Variants in ETS1 observed in about 807,000 individuals in gnomAD.
ETS1 encodes protein C-ets-1.
In ETS1, 15 loss-of-function variants were observed where a neutral mutation model predicts 58.6. The ratio of observed to expected loss-of-function variants is 0.26; its 90% CI spans 0.17 to 0.39. The LOEUF (loss-of-function observed/expected upper bound fraction) is 0.39. ETS1 is among the 10% of genes least tolerant of loss of function. ETS1 has a pLI of 1.00. For missense variants in ETS1, 417 were observed against 610.5 expected (o/e 0.68, Z 3.34); for synonymous variants, 214 against 218.2 (o/e 0.98, Z 0.17).
chr11:128,565,246 T>TC (rs1864473421), intron 2 of ETS1, among the ~76,000 whole-genome samples: 1 of 152,118 alleles, frequency 6.6e-6, no homozygotes, highest in Admixed American at 6.6e-5. Context: ...TTTGGCCTCT[T>TC]CCCTCCCTTC....
At chr11:128,583,853 G>C (rs1224508743) in intron 1 of ETS1, among the ~76,000 whole-genome samples, 1 of 151,988 alleles carries the variant, frequency 6.6e-6, no homozygotes, top group Non-Finnish European at 1.5e-5. Flanking sequence ...TCCAACACTT[G>C]ATTACTGGAA....
intron 5 of ETS1, 70 bp downstream of exon 5, chr11:128,489,220 G>T: frequency 1.5e-6 from 2 of 1,353,030 alleles, no homozygotes; most frequent in Non-Finnish European, 2.1e-6. Context: ...CCCACCATTG[G>T]GTGAGCCCCC....
chr11:128,551,419 C>A (rs892775411), intron 3 of ETS1, among the ~76,000 whole-genome samples: 1 of 152,172 alleles, frequency 6.6e-6, no homozygotes, highest in African/African-American at 2.4e-5. Flanking sequence ...GGAATCTCAG[C>A]GTATCTCCCA....
chr11:128,478,174 T>C (rs1424809635), intron 8 of ETS1, among the ~76,000 whole-genome samples: 1 of 152,090 alleles, frequency 6.6e-6, no homozygotes, highest in Admixed American at 6.5e-5. Context: ...TTTGAGACTT[T>C]TAAGAGATAA....
At chr11:128,570,884 T>C (rs962216163) in intron 2 of ETS1, among the ~76,000 whole-genome samples, 1 of 152,174 alleles carries the variant, frequency 6.6e-6, no homozygotes, top group Non-Finnish European at 1.5e-5. Flanking sequence ...CCTGGACTTG[T>C]CGTGTAGTGG....
chr11:128,503,304 C>T (rs1164332367), intron 3 of ETS1, among the ~76,000 whole-genome samples: 1 of 152,134 alleles, frequency 6.6e-6, no homozygotes, highest in Admixed American at 6.5e-5. Context: ...AGAGCAGGCA[C>T]ATGCTGGATA....
chr11:128,499,580 T>A (rs1185325960), intron 3 of ETS1, among the ~76,000 whole-genome samples: 2 of 152,214 alleles, frequency 1.3e-5, no homozygotes, highest in Non-Finnish European at 2.9e-5. Context: ...CTGCACCTAT[T>A]CACAGAATTA....
At chr11:128,475,652 C>G (rs1862303059) in intron 8 of ETS1, among the ~76,000 whole-genome samples, 1 of 149,454 alleles carries the variant, frequency 6.7e-6, no homozygotes, top group Non-Finnish European at 1.5e-5. Context: ...CCTGGGTTCA[C>G]AGCATTCTCC....
intron 8 of ETS1, among the ~76,000 whole-genome samples, chr11:128,466,810 T>C (rs1277213544): frequency 6.6e-6 from 1 of 151,124 alleles, no homozygotes; most frequent in Non-Finnish European, 1.5e-5. Flanking sequence ...AGAGGGAGGA[T>C]AGATAGGAAA....
chr11:128,538,779 CACACACACACA>C (rs1565401971), intron 3 of ETS1, among the ~76,000 whole-genome samples: 28 of 151,434 alleles, frequency 1.8e-4, no homozygotes, highest in Non-Finnish European at 3.7e-4. Flanking sequence ...CACACACACA[CACACACACACA>C]CCAAACCAGG....
At chr11:128,485,173 G>C in intron 6 of ETS1, 102 bp from the exon 7 acceptor site, 1 of 986,064 alleles carries the variant, frequency 1.0e-6, no homozygotes. Flanking sequence ...AAGCTCCTTA[G>C]AGAATAAGGG....
intron 8 of ETS1, among the ~76,000 whole-genome samples, chr11:128,465,778 G>A (rs1214080661): frequency 6.6e-6 from 1 of 151,714 alleles, no homozygotes; most frequent in Non-Finnish European, 1.5e-5. Flanking sequence ...GACACTGTGA[G>A]TGACGCTCTA....
chr11:128,483,801 T>G (rs1251185631), intron 7 of ETS1, among the ~76,000 whole-genome samples: 1 of 152,196 alleles, frequency 6.6e-6, no homozygotes, highest in Non-Finnish European at 1.5e-5. Flanking sequence ...GCACCGCATA[T>G]GGTCAGTCAT....
At chr11:128,499,933 G>A (rs912004649) in intron 3 of ETS1, among the ~76,000 whole-genome samples, 4 of 152,198 alleles carry the variant, frequency 2.6e-5, no homozygotes, top group Non-Finnish European at 5.9e-5. Context: ...CGTTTATTTA[G>A]GCTGGAAGAG....
rs1227581353 is a variant in ETS1 at position 128,464,420 on chromosome 11, C to A, written c.1124-793G>T. 6.6e-6 allele frequency among the ~76,000 whole-genome samples: 1 copy of A among 151,844 alleles called. No individual in the cohort carries two copies. Among genetic ancestry groups the A allele is most frequent in the Non-Finnish European group, 1.5e-5 (1 of 67,970 alleles). On this transcript the variant is annotated intron_variant, in intron 8 of 9. Transcript: ENST00000392668. This position sits in a 1 kb window ranked among gnomAD's most constrained non-coding sequence, Gnocchi z 4.1. Reference sequence around the variant, plus strand: ...CACTTCTCTGTCTTAGCCATCAACACTCTGACAGTCAATTTATTCTATGCT... The same window carrying A: ...CACTTCTCTGTCTTAGCCATCAACAATCTGACAGTCAATTTATTCTATGCT...
At chr11:128,488,226 G>T (rs1862692958) in intron 5 of ETS1, among the ~76,000 whole-genome samples, 1 of 152,158 alleles carries the variant, frequency 6.6e-6, no homozygotes, top group Non-Finnish European at 1.5e-5. Flanking sequence ...GCAACTGCCT[G>T]CCATCCTCGG....
intron 1 of ETS1, among the ~76,000 whole-genome samples, chr11:128,584,522 C>A (rs1157058150): frequency 6.6e-6 from 1 of 152,164 alleles, no homozygotes; most frequent in Non-Finnish European, 1.5e-5. Flanking sequence ...GCAGTCCCTG[C>A]AAAGCACCTA....
chr11:128,463,909 GA>G lies in ETS1; in HGVS notation c.1124-283del, dbSNP rs2135409988. On this transcript the variant is annotated intron_variant, in intron 8 of 9. Transcript: ENST00000392668. This position sits in a 1 kb window ranked among gnomAD's most constrained non-coding sequence, Gnocchi z 4.1. ...CATTTTTATTGCTAAACAAATTCTA[GA>G]AAGAGAACACTGTGCCTATCCTCTG... The G allele has an allele frequency of 4.3e-6, 1 of 231,216 alleles. No homozygotes were observed. Among genetic ancestry groups the G allele is most frequent in the East Asian group, 1.1e-4 (1 of 9,162 alleles). The allele number at this position is 231,216 out of a possible 1,614,324, so 14.3% of individuals were successfully genotyped here. A position where few individuals can be genotyped will look rare whatever the true frequency, so the allele number is the denominator to read the frequency against.
At position 128,522,035 on chromosome 11, in the gene ETS1, G is replaced by A. The variant is rs377534469; in HGVS notation, c.215-31459C>T. ...GGACGTACGGGATGGTAGCAAGTTTGCAGTTACTGTTGTTTTTCTTTTTAA... is the reference window on the plus strand; with the variant it reads ...GGACGTACGGGATGGTAGCAAGTTTACAGTTACTGTTGTTTTTCTTTTTAA... On this transcript the variant is annotated intron_variant, in intron 3 of 9. Coordinates refer to ENST00000392668, the MANE Select transcript of ETS1 (RefSeq NM_001143820.2). 1.8e-5 allele frequency: 28 copies of A among 1,551,438 alleles called. No homozygotes were observed. In the African/African-American group the frequency reaches 3.3e-4, roughly 19 times the overall value.
Sources: gnomAD v4.1 joint callset for allele counts (sites outside exome capture counted in the v4.1 genomes callset) on GRCh38, gnomAD v4.1.1 for gene constraint, Gnocchi (gnomAD v3.1) non-coding constraint, MANE v1.5 for transcripts, NCBI Gene and HGNC (gene_info 2026-07-23, HGNC 2026-07-21) for gene names.